CCSER1: variants seen among roughly 807,000 people sequenced by gnomAD.
CCSER1 encodes coiled-coil serine rich protein 1.
CCSER1 carries 41 observed loss-of-function variants against 82.0 expected under a neutral mutation model. That is an observed-to-expected ratio of 0.50 (90% CI 0.39 to 0.65). CCSER1 has a LOEUF of 0.65. Ranked by LOEUF, CCSER1 falls within the 30% of genes least tolerant of loss-of-function variation. The probability of loss-of-function intolerance (pLI) is 0.00; values close to 1 mark genes in which losing one functional copy is unlikely to be tolerated. For missense variants in CCSER1, 1,119 were observed against 1,064.2 expected (o/e 1.05, Z -0.72); for synonymous variants, 414 against 383.9 (o/e 1.08, Z -0.92).
chr4:91,338,544 CATT>C (rs1747477233), intron 10 of CCSER1, among the ~76,000 whole-genome samples: 1 of 152,100 alleles, frequency 6.6e-6, no homozygotes, highest in Non-Finnish European at 1.5e-5. Flanking sequence ...GACCTGCAAA[CATT>C]ATAATGCATA....
intron 5 of CCSER1, among the ~76,000 whole-genome samples, chr4:90,557,887 A>T (rs1487204788): frequency 6.6e-6 from 1 of 152,116 alleles, no homozygotes; most frequent in Non-Finnish European, 1.5e-5. Flanking sequence ...TTGTATTTTG[A>T]TTCAGATATA....
chr4:91,425,192 T>A (rs888608099), intron 10 of CCSER1, among the ~76,000 whole-genome samples: 11 of 152,144 alleles, frequency 7.2e-5, no homozygotes, highest in African/African-American at 2.4e-4. Context: ...ATAATTGACA[T>A]GTTTGGGTGA....
At chr4:90,503,517 T>C (rs1770226558) in intron 5 of CCSER1, among the ~76,000 whole-genome samples, 1 of 152,148 alleles carries the variant, frequency 6.6e-6, no homozygotes, top group Non-Finnish European at 1.5e-5. Context: ...ACCCATCAGC[T>C]CGTCATTTAA....
intron 9 of CCSER1, among the ~76,000 whole-genome samples, chr4:91,082,875 C>T (rs1270228937): frequency 6.6e-6 from 1 of 152,156 alleles, no homozygotes; most frequent in African/African-American, 2.4e-5. Context: ...CATCTCACAC[C>T]AGTTAGAATG....
intron 10 of CCSER1, among the ~76,000 whole-genome samples, chr4:91,453,071 T>A (rs1269325938): frequency 1.3e-5 from 2 of 152,074 alleles, no homozygotes; most frequent in Admixed American, 6.6e-5. Flanking sequence ...ATTGTCTAAT[T>A]TATTTAACTA....
At chr4:90,438,883 G>A (rs1759445321) in intron 4 of CCSER1, among the ~76,000 whole-genome samples, 1 of 152,142 alleles carries the variant, frequency 6.6e-6, no homozygotes, top group Non-Finnish European at 1.5e-5. Flanking sequence ...TTGGCACAGT[G>A]CAGATAGTGA....
chr4:91,171,604 T>C (rs571308920), intron 10 of CCSER1, among the ~76,000 whole-genome samples: 1 of 152,306 alleles, frequency 6.6e-6, no homozygotes, highest in African/African-American at 2.4e-5. Flanking sequence ...TCTAAACTAT[T>C]ATAGTACCCC....
chr4:91,078,535 C>T lies in CCSER1; in HGVS notation c.2173-7415C>T, dbSNP rs6815560. 3.0e-3 allele frequency among the ~76,000 whole-genome samples: 461 copies of T among 152,356 alleles called. 1 individual carries two copies. Among genetic ancestry groups the T allele is most frequent in the Non-Finnish European group, 5.0e-3 (340 of 68,036 alleles). The stretch of plus-strand genomic sequence containing the variant: ...AAAAGCCTCTTCTCCTCCAAAGGAA[C>T]GCAGCTCCTCGCCAGCAATGGAACA... On this transcript the variant is annotated intron_variant, in intron 9 of 10. Transcript: ENST00000509176.
At chr4:90,783,062 C>T (rs566950426) in intron 7 of CCSER1, among the ~76,000 whole-genome samples, 6 of 152,214 alleles carry the variant, frequency 3.9e-5, no homozygotes, top group Admixed American at 3.9e-4. Context: ...CTGCCTCAGC[C>T]TCCCGAATAG....
intron 7 of CCSER1, chr4:90,781,440 T>C (rs1266346078): frequency 1.4e-5 from 14 of 984,972 alleles, no homozygotes; most frequent in Non-Finnish European, 1.6e-5. Flanking sequence ...ATGGCATTTC[T>C]TTAAAATCAA....
chr4:90,276,307 CTTTCTTTCTTTTTCTTTCT>C, intron 1 of CCSER1, among the ~76,000 whole-genome samples: 1 of 109,138 alleles, frequency 9.2e-6, no homozygotes, highest in African/African-American at 3.8e-5. Context: ...TCCTTCCTTC[CTTTCTTTCTTTTTCTTTCT>C]TTCTTTCTTT....
chr4:90,539,430 A>C (rs2036153), intron 5 of CCSER1, among the ~76,000 whole-genome samples: 72,225 of 151,896 alleles, frequency 0.48, 21,618 homozygotes, highest in African/African-American at 0.86. Flanking sequence ...CAAAATCTTT[A>C]GTGACTTTTT....
chr4:90,152,322 A>G (rs1467865590), intron 1 of CCSER1, among the ~76,000 whole-genome samples: 2 of 152,166 alleles, frequency 1.3e-5, no homozygotes, highest in Non-Finnish European at 2.9e-5. Flanking sequence ...AGCTACCTTG[A>G]TTGGTGTGTG....
intron 7 of CCSER1, among the ~76,000 whole-genome samples, chr4:90,726,056 C>G (rs1225640907): frequency 6.6e-6 from 1 of 151,894 alleles, no homozygotes; most frequent in Non-Finnish European, 1.5e-5. Flanking sequence ...ATTAGAAGAG[C>G]AAAGCTTCTT....
chr4:90,831,916 T>C (rs1267455580), intron 8 of CCSER1, among the ~76,000 whole-genome samples: 1 of 152,130 alleles, frequency 6.6e-6, no homozygotes, highest in Non-Finnish European at 1.5e-5. Context: ...AATTTTTATA[T>C]AGCAGAAATG....
At chr4:91,438,173 A>G (rs369800674) in intron 10 of CCSER1, among the ~76,000 whole-genome samples, 5 of 152,184 alleles carry the variant, frequency 3.3e-5, no homozygotes, top group East Asian at 1.9e-4. Context: ...TGGGCAGACT[A>G]CCTCCTCAAG....
intron 10 of CCSER1, among the ~76,000 whole-genome samples, chr4:91,109,354 C>T (rs12374416): frequency 0.21 from 31,312 of 151,820 alleles, 3,673 homozygotes; most frequent in African/African-American, 0.31. Flanking sequence ...TCTACCTACC[C>T]ACCACCTTAT....
At chr4:91,156,221 ATAAT>A (rs1438613270) in intron 10 of CCSER1, among the ~76,000 whole-genome samples, 1 of 151,848 alleles carries the variant, frequency 6.6e-6, no homozygotes, top group African/African-American at 2.4e-5. Flanking sequence ...TCCCATTACA[ATAAT>A]TAGAGTATAT....
rs1734746853 is a variant in CCSER1 at position 90,308,641 on chromosome 4, T to C, written c.357T>C (p.Phe119=). Residue 119 remains phenylalanine, a synonymous_variant, in exon 2 of 11, where the codon TTT becomes TTC. Coordinates refer to ENST00000509176, the MANE Select transcript of CCSER1 (RefSeq NM_001145065.2). ...IKTRGRHSVG[F]SSSRNKKITR... is the part of the protein sequence containing the mutation. ...CCAGGGGAAGACATTCTGTTGGTTT[T>C]AGTAGTTCACGAAATAAGAAGATAA... 6 of 1,613,784 alleles carry C rather than the reference T, an allele frequency of 3.7e-6. No homozygotes were observed. The highest frequency in any genetic ancestry group is 5.1e-6 in the Non-Finnish European group (6 of 1,179,862).
Sources: gnomAD v4.1 joint callset for allele counts (sites outside exome capture counted in the v4.1 genomes callset) on GRCh38, gnomAD v4.1.1 for gene constraint, MANE v1.5 for transcripts, NCBI Gene and HGNC (gene_info 2026-07-23, HGNC 2026-07-21) for gene names.